Variants in CD5L observed in about 807,000 individuals in gnomAD.
The protein encoded by CD5L is CD5 antigen-like.
In CD5L, 39 loss-of-function variants were observed where a neutral mutation model predicts 40.8. The observed-to-expected ratio is 0.96, with a 90% CI of 0.74 to 1.25. CD5L has a LOEUF of 1.25. CD5L is among the 50% of genes most tolerant of loss of function. CD5L has a pLI of 0.00. For synonymous variants in CD5L, 192 were observed against 169.6 expected (o/e 1.13, Z -1.03); for missense variants, 433 against 435.9 (o/e 0.99, Z 0.06).
downstream of CD5L, among the ~76,000 whole-genome samples, chr1:157,828,830 G>T (rs1214717540): frequency 2.0e-5 from 3 of 152,132 alleles, no homozygotes; most frequent in Non-Finnish European, 4.4e-5. Flanking sequence ...CTCTGTTCTT[G>T]GATCTCCTCT....
At position 157,841,730 on chromosome 1, in the gene CD5L, A is replaced by C; in HGVS notation, c.-29T>G. ...CAAGGCAGGTGAAGGTGATGAGCTG[A>C]AATTTAAGGCTAGAAGGAGGTCCCC... is the stretch of plus-strand genomic sequence containing the variant. On this transcript the variant is annotated 5_prime_UTR_variant, in exon 1 of 6. Coordinates refer to ENST00000368174, the MANE Select transcript of CD5L (RefSeq NM_005894.3). 1 of 1,609,814 alleles carries C rather than the reference A, an allele frequency of 6.2e-7. No homozygotes were observed.
In CD5L at chr1:157,835,952, G is replaced by T; in HGVS notation, c.259C>A (p.Gln87Lys). Residue 87 changes from glutamine to lysine, a missense_variant, in exon 3 of 6, where the codon CAA becomes AAA. Transcript: ENST00000368174. Reference protein sequence around the residue: ...ILYEPPAEKEQKVLIQSVSCT... With the variant: ...ILYEPPAEKEKKVLIQSVSCT... The stretch of plus-strand genomic sequence containing the variant: ...CTGACTGATTGGATGAGGACCTTTT[G>T]CTCTTTTTCTGCTGGTGGCTCATAC... The T allele has an allele frequency of 6.2e-7, 1 of 1,614,188 alleles. No homozygotes were observed. Among genetic ancestry groups the T allele is most frequent in the South Asian group, 1.1e-5 (1 of 91,088 alleles).
In CD5L at chr1:157,836,105, G is replaced by C. The variant is rs145458344; in HGVS notation, c.106C>G (p.Arg36Gly). 6.2e-7 allele frequency: 1 copy of C among 1,613,662 alleles called. No individual in the cohort carries two copies. The highest frequency in any genetic ancestry group is 1.7e-5 in the Admixed American group (1 of 60,008). ...LVGGLHRCEG[R>G]VEVEQKGQWG... ...TGGCCTTTCTGTTCCACCTCCACCC[G>C]CCCTTCACAGCGGTGGAGGCCCCCC... The change falls in exon 3 of 6, where the codon CGG becomes GGG. Residue 36 changes from arginine (R) to glycine (G), a missense_variant. By Grantham distance (125) the Arg-to-Gly change is moderately radical. Coordinates refer to ENST00000368174, the MANE Select transcript of CD5L (RefSeq NM_005894.3).
intron 1 of CD5L, among the ~76,000 whole-genome samples, chr1:157,840,560 C>T (rs1417695504): frequency 1.3e-5 from 2 of 152,194 alleles, no homozygotes; most frequent in Non-Finnish European, 2.9e-5. Context: ...CACTCTCAGG[C>T]TCAATGAGGC....
chr1:157,837,593 C>A (rs922144387), intron 2 of CD5L, among the ~76,000 whole-genome samples: 1 of 152,092 alleles, frequency 6.6e-6, no homozygotes, highest in African/African-American at 2.4e-5. Flanking sequence ...GGAAGATGAA[C>A]AGCTTAATAG....
chr1:157,836,343 G>C (rs1656214841), intron 2 of CD5L, among the ~76,000 whole-genome samples, 188 bp from the exon 3 acceptor site: 1 of 152,220 alleles, frequency 6.6e-6, no homozygotes, highest in African/African-American at 2.4e-5. Context: ...TTCTGGTTCT[G>C]CTACAGCCTT....
chr1:157,829,791 T>G (rs1196556125), downstream of CD5L, among the ~76,000 whole-genome samples: 1 of 152,150 alleles, frequency 6.6e-6, no homozygotes, highest in Admixed American at 6.5e-5. Flanking sequence ...TTCAAAAAAA[T>G]TATTATGTAC....
chr1:157,833,290 C>A lies in CD5L; in HGVS notation c.941G>T (p.Arg314Leu). 6.2e-7 allele frequency: 1 copy of A among 1,614,188 alleles called. No individual in the cohort carries two copies. Among genetic ancestry groups the A allele is most frequent in the Non-Finnish European group, 8.5e-7 (1 of 1,180,040 alleles). ...GVGRIWLDNV[R>L]CSGEEQSLEQ... is the part of the protein sequence containing the mutation. The stretch of plus-strand genomic sequence containing the variant: ...CAGGGACTGCTCCTCCCCTGAGCAA[C>A]GAACATTATCCAGCCAGATGCGGCC... Residue 314 changes from arginine to leucine, a missense_variant, in exon 5 of 6, where the codon CGT becomes CTT. Transcript: ENST00000368174.
chr1:157,834,880 C>T (rs1227439301), intron 3 of CD5L, 132 bp from the exon 4 acceptor site: 1 of 581,980 alleles, frequency 1.7e-6, no homozygotes, highest in East Asian at 2.9e-5. Flanking sequence ...AACACTGCCT[C>T]ATAGATGCCT....
chr1:157,827,929 T>A (rs1324530938), downstream of CD5L, among the ~76,000 whole-genome samples: 1 of 152,222 alleles, frequency 6.6e-6, no homozygotes, highest in African/African-American at 2.4e-5. Context: ...CCATTATCAC[T>A]TCTAGTTTAT....
chr1:157,831,969 C>T lies in CD5L; in HGVS notation c.1040-1G>A, dbSNP rs755144343. The T allele has an allele frequency of 1.9e-6, 3 of 1,587,846 alleles. No individual in the cohort carries two copies. Among genetic ancestry groups the T allele is most frequent in the South Asian group, 1.2e-5 (1 of 86,230 alleles). Reference sequence around the variant, plus strand: ...GGTCAAGCAACACCAGGATACTATCCTATAAAGAGAAGAGGAAAATGCAGT... The same window carrying T: ...GGTCAAGCAACACCAGGATACTATCTTATAAAGAGAAGAGGAAAATGCAGT... On this transcript the variant is annotated splice_acceptor_variant, in intron 5 of 5. Transcript: ENST00000368174. LOFTEE classifies it high-confidence loss of function.
intron 2 of CD5L, among the ~76,000 whole-genome samples, chr1:157,837,376 TGTTA>T (rs3838311): frequency 0.74 from 112,016 of 151,448 alleles, 41,573 homozygotes; most frequent in South Asian, 0.85. Context: ...TTTGTTTGTT[TGTTA>T]GTTAGTGAAC....
intron 4 of CD5L, among the ~76,000 whole-genome samples, chr1:157,833,813 G>C (rs1656116653): frequency 8.1e-6 from 1 of 123,332 alleles, no homozygotes; most frequent in South Asian, 2.7e-4. Flanking sequence ...TTTTCCATAT[G>C]TTGCTCAGGC....
rs781677127 is a variant in CD5L, at chr1:157,834,788, A to C, written c.377-40T>G. 2.0e-6 allele frequency: 3 copies of C among 1,533,250 alleles called. No individual in the cohort carries two copies. In the South Asian group the frequency reaches 3.5e-5, roughly 18 times the overall value. The allele number at this position is 1,533,250 out of a possible 1,614,324, so 95.0% of individuals were successfully genotyped here. ...AGAGAGCGTGTCTGTTCTCTGCCAGAACATGGTCTTCTCAGTAAAGGCGGC... is the reference window on the plus strand; with the variant it reads ...AGAGAGCGTGTCTGTTCTCTGCCAGCACATGGTCTTCTCAGTAAAGGCGGC... On this transcript the variant is annotated intron_variant, in intron 3 of 5. Transcript: ENST00000368174.
At position 157,835,910 on chromosome 1, in the gene CD5L, C is replaced by T. The variant is rs2101938573; in HGVS notation, c.301G>A (p.Asp101Asn). The T allele has an allele frequency of 6.2e-7, 1 of 1,614,216 alleles. No homozygotes were observed. Among genetic ancestry groups the T allele is most frequent in the Non-Finnish European group, 8.5e-7 (1 of 1,180,040 alleles). The change falls in exon 3 of 6, where the codon GAT (aspartate) becomes AAT (asparagine). Residue 101 changes from aspartate (D) to asparagine (N), a missense_variant. Asp to Asn is a conservative substitution (Grantham distance 23). Coordinates refer to ENST00000368174, the MANE Select transcript of CD5L (RefSeq NM_005894.3). Reference protein sequence around the residue: ...IQSVSCTGTEDTLAQCEQEEV... With the variant: ...IQSVSCTGTENTLAQCEQEEV... ...TCTTGCTCACACTGAGCCAATGTAT[C>T]TTCTGTTCCTGTGCAACTGACTGAT...
At chr1:157,835,054 C>T (rs1656167165) in intron 3 of CD5L, among the ~76,000 whole-genome samples, 1 of 152,162 alleles carries the variant, frequency 6.6e-6, no homozygotes, top group Non-Finnish European at 1.5e-5. Context: ...AAAATAAATA[C>T]AATAACATAC....
intron 1 of CD5L, among the ~76,000 whole-genome samples, chr1:157,840,333 C>T (rs1656334400): frequency 6.6e-6 from 1 of 152,094 alleles, no homozygotes; most frequent in African/African-American, 2.4e-5. Flanking sequence ...GCCCTGTAAC[C>T]TCCAGGAGTC....
chr1:157,828,169 T>C (rs1289547406), downstream of CD5L, among the ~76,000 whole-genome samples: 2 of 152,144 alleles, frequency 1.3e-5, no homozygotes, highest in Non-Finnish European at 2.9e-5. Flanking sequence ...TTGAGTCTCA[T>C]ATCCTTGCAA....
At position 157,831,163 on chromosome 1, in the gene CD5L, T is replaced by A; in HGVS notation, c.*801A>T. On this transcript the variant is annotated 3_prime_UTR_variant, in exon 6 of 6. Transcript: ENST00000368174. ...TCCCTGATCTCTTTCTGCCTCTTTCTTGACCTTTTCCCAGTAACCAATATA... is the reference window on the plus strand; with the variant it reads ...TCCCTGATCTCTTTCTGCCTCTTTCATGACCTTTTCCCAGTAACCAATATA... 1 of 985,314 alleles carries A rather than the reference T, an allele frequency of 1.0e-6. No homozygotes were observed. Among genetic ancestry groups the A allele is most frequent in the Non-Finnish European group, 1.2e-6 (1 of 829,816 alleles). The allele number at this position is 985,314 out of a possible 1,614,324, so 61.0% of individuals were successfully genotyped here. A position where few individuals can be genotyped will look rare whatever the true frequency, so the allele number is the denominator to read the frequency against.
Sources: allele counts gnomAD v4.1 joint callset (sites outside exome capture counted in the v4.1 genomes callset), GRCh38; gene constraint gnomAD v4.1.1; transcripts MANE v1.5; gene names NCBI Gene and HGNC (gene_info 2026-07-23, HGNC 2026-07-21).